KALRN: variants seen among roughly 807,000 people sequenced by gnomAD.
KALRN encodes the protein kalirin RhoGEF kinase.
In KALRN, 70 loss-of-function variants were observed where a neutral mutation model predicts 353.7. The ratio of observed to expected loss-of-function variants is 0.20; its 90% CI spans 0.16 to 0.24. The LOEUF (loss-of-function observed/expected upper bound fraction) is 0.24. KALRN is among the 10% of genes least tolerant of loss of function. The probability of loss-of-function intolerance (pLI) is 1.00; values close to 1 mark genes in which losing one functional copy is unlikely to be tolerated. For synonymous variants in KALRN, 1,391 were observed against 1,434.8 expected (o/e 0.97, Z 0.69); for missense variants, 2,791 against 3,756.7 (o/e 0.74, Z 6.72).
chr3:124,666,067 G>A (rs998706262), intron 45 of KALRN, among the ~76,000 whole-genome samples: 1 of 152,134 alleles, frequency 6.6e-6, no homozygotes, highest in Non-Finnish European at 1.5e-5. Flanking sequence ...TCAGAGCTCT[G>A]AGGATGGAAA....
At chr3:124,255,282 T>G (rs763547246) in intron 3 of KALRN, among the ~76,000 whole-genome samples, 1 of 152,166 alleles carries the variant, frequency 6.6e-6, no homozygotes, top group Non-Finnish European at 1.5e-5. Context: ...AAATTATTTC[T>G]TATAGTTTCA....
chr3:124,164,432 C>T (rs1249584667), intron 1 of KALRN: 1 of 152,192 alleles, frequency 6.6e-6, no homozygotes, highest in African/African-American at 2.4e-5. Context: ...TGGGAGCAAA[C>T]CCACTCTTCT....
intron 50 of KALRN, chr3:124,678,666 A>G (rs962274155): frequency 2.6e-5 from 5 of 189,852 alleles, no homozygotes; most frequent in African/African-American, 1.2e-4. Context: ...TTGAGAATAC[A>G]CACAGGGTAA....
chr3:124,205,613 G>A (rs750796735), intron 1 of KALRN, among the ~76,000 whole-genome samples: 3 of 152,158 alleles, frequency 2.0e-5, no homozygotes, highest in South Asian at 2.1e-4. Context: ...AGAAGATAGC[G>A]GGAGAGTTTT....
intron 2 of KALRN, among the ~76,000 whole-genome samples, chr3:124,230,058 G>T (rs1279674067): frequency 2.0e-5 from 3 of 152,328 alleles, no homozygotes; most frequent in Non-Finnish European, 4.4e-5. Flanking sequence ...GGAAGACCTT[G>T]TGCAGAAATC....
At chr3:124,405,220 C>T (rs2150163235) in intron 13 of KALRN, among the ~76,000 whole-genome samples, 1 of 152,272 alleles carries the variant, frequency 6.6e-6, no homozygotes, top group East Asian at 1.9e-4. Context: ...TTTCACACAG[C>T]TTTAGTATTC....
At position 124,456,747 on chromosome 3, in the gene KALRN, C is replaced by T. The variant is rs369872040; in HGVS notation, c.3854+19C>T. 2 of 1,571,110 alleles carry T rather than the reference C, an allele frequency of 1.3e-6. No individual in the cohort carries two copies. The highest frequency in any genetic ancestry group is 1.3e-5 in the African/African-American group (1 of 74,182). On this transcript the variant is annotated intron_variant, in intron 23 of 59. Transcript: ENST00000682506. ...AGAAAGAGTACGTGTTGGCTTCCGCCCAGCTAGCTGGCTCCCCGTGACTAT... is the reference window on the plus strand; with the variant it reads ...AGAAAGAGTACGTGTTGGCTTCCGCTCAGCTAGCTGGCTCCCCGTGACTAT...
intron 53 of KALRN, among the ~76,000 whole-genome samples, chr3:124,695,513 C>G (rs755504604): frequency 1.3e-5 from 2 of 152,118 alleles, no homozygotes; most frequent in Non-Finnish European, 2.9e-5. Context: ...TCATGAAAAG[C>G]GCCAGGGGAT....
intron 34 of KALRN, among the ~76,000 whole-genome samples, chr3:124,592,390 A>C (rs2075882846): frequency 6.6e-6 from 1 of 151,866 alleles, no homozygotes; most frequent in African/African-American, 2.4e-5. Context: ...GGGGCAACAC[A>C]AGGTACAAGA....
chr3:124,056,457 G>A (rs898040098), intron 1 of KALRN, among the ~76,000 whole-genome samples: 14 of 152,146 alleles, frequency 9.2e-5, no homozygotes, highest in African/African-American at 1.4e-4. Flanking sequence ...CTGATTCTGG[G>A]CAGGCCACTG....
intron 10 of KALRN, among the ~76,000 whole-genome samples, chr3:124,357,589 CT>C (rs1434782788): frequency 6.6e-6 from 1 of 152,200 alleles, no homozygotes; most frequent in Non-Finnish European, 1.5e-5. Context: ...CTTCTCACTC[CT>C]TTAACTGACC....
intron 49 of KALRN, 52 bp from the exon 50 acceptor site, chr3:124,678,138 C>T: frequency 1.2e-6 from 2 of 1,601,814 alleles, no homozygotes; most frequent in East Asian, 4.5e-5. Flanking sequence ...CCGCCCTCCA[C>T]ATCGCTGTCC....
intron 33 of KALRN, chr3:124,504,692 T>A: frequency 2.6e-6 from 1 of 381,198 alleles, no homozygotes; most frequent in South Asian, 2.0e-5. Context: ...CTAGACAGAA[T>A]CTTCCAGCCT....
intron 33 of KALRN, among the ~76,000 whole-genome samples, chr3:124,539,362 A>T (rs1033164229): frequency 6.6e-6 from 1 of 152,220 alleles, no homozygotes; most frequent in East Asian, 1.9e-4. Context: ...CAAAGTTCCA[A>T]ATCCTCTCCC....
At chr3:124,546,178 G>A (rs769484638) in intron 33 of KALRN, among the ~76,000 whole-genome samples, 19 of 151,788 alleles carry the variant, frequency 1.3e-4, no homozygotes, top group Non-Finnish European at 2.4e-4. Context: ...TGATTAAAAG[G>A]CAGTGATATG....
intron 25 of KALRN, among the ~76,000 whole-genome samples, chr3:124,470,630 G>A (rs2060795771): frequency 6.6e-6 from 1 of 152,182 alleles, no homozygotes; most frequent in South Asian, 2.1e-4. Context: ...ATCTAGGACA[G>A]TTGCCTTTAA....
At chr3:124,096,964 G>C (rs2061491632) in intron 1 of KALRN, among the ~76,000 whole-genome samples, 1 of 152,202 alleles carries the variant, frequency 6.6e-6, no homozygotes, top group African/African-American at 2.4e-5. Flanking sequence ...TAATTTGAAA[G>C]TTTATGTGTA....
At chr3:124,093,357 A>C (rs574955048) in intron 1 of KALRN, among the ~76,000 whole-genome samples, 5 of 152,366 alleles carry the variant, frequency 3.3e-5, no homozygotes, top group Non-Finnish European at 1.5e-5. Context: ...CCTAGGCTGC[A>C]CAGAGCTGTG....
chr3:124,062,584 G>C (rs1452178611), intron 1 of KALRN, among the ~76,000 whole-genome samples: 10 of 152,092 alleles, frequency 6.6e-5, no homozygotes, highest in Admixed American at 6.5e-4. Flanking sequence ...CCCTGCATTA[G>C]AGTGCAAGCA....
Sources: gnomAD v4.1 joint callset for allele counts (sites outside exome capture counted in the v4.1 genomes callset) on GRCh38, gnomAD v4.1.1 for gene constraint, MANE v1.5 for transcripts, NCBI Gene and HGNC (gene_info 2026-07-23, HGNC 2026-07-21) for gene names.